Variants in NINL observed in about 807,000 individuals in gnomAD.
The protein encoded by NINL is ninein like, also known as ninein-like protein.
In NINL, 153 loss-of-function variants were observed where a neutral mutation model predicts 160.3. The ratio of observed to expected loss-of-function variants is 0.95; its 90% confidence interval spans 0.84 to 1.09. The LOEUF (loss-of-function observed/expected upper bound fraction) is 1.09. Ranked by LOEUF, NINL falls within the 50% of genes least tolerant of loss-of-function variation. The pLI is 0.00. For missense variants in NINL, 1,829 were observed against 1,764.0 expected (o/e 1.04, Z -0.66); for synonymous variants, 800 against 734.8 (o/e 1.09, Z -1.43).
intron 13 of NINL, among the ~76,000 whole-genome samples, chr20:25,484,054 T>G: frequency 6.6e-6 from 1 of 152,052 alleles, no homozygotes; most frequent in East Asian, 1.9e-4. Context: ...AAAGTAGCCC[T>G]GCAGAGGCCA....
rs1458838112 is a variant in NINL, at chr20:25,461,516, A to G, written c.3696+6T>C. 3.3e-6 allele frequency: 5 copies of G among 1,533,756 alleles called. No individual in the cohort carries two copies. In the South Asian group the frequency reaches 6.3e-5, roughly 19 times the overall value. ...CCCAGTGCCTCCAGCCATCGCTCAC[A>G]CCCACCTGGTCTTGACTTTCCTCAA... is the stretch of plus-strand genomic sequence containing the variant. On this transcript the variant is annotated splice_donor_region_variant and intron_variant, in intron 21 of 23. Coordinates refer to ENST00000278886, the MANE Select transcript of NINL (RefSeq NM_025176.6).
chr20:25,506,107 C>A (rs1394577431), intron 5 of NINL, among the ~76,000 whole-genome samples: 2 of 152,234 alleles, frequency 1.3e-5, no homozygotes, highest in Non-Finnish European at 2.9e-5. Context: ...ACTAAAAATA[C>A]AAAAATTAGC....
At chr20:25,545,299 G>C (rs909306786) in intron 1 of NINL, among the ~76,000 whole-genome samples, 3 of 152,162 alleles carry the variant, frequency 2.0e-5, no homozygotes, top group African/African-American at 4.8e-5. Context: ...GACATCTCCG[G>C]GTAGGTGGAG....
intron 1 of NINL, among the ~76,000 whole-genome samples, chr20:25,580,110 A>G (rs376348003): frequency 1.9e-4 from 29 of 152,308 alleles, no homozygotes; most frequent in African/African-American, 5.5e-4. Flanking sequence ...AGGCGGGTGG[A>G]TCACCTGAGG....
At chr20:25,456,548 A>C (rs188207870) in intron 22 of NINL, among the ~76,000 whole-genome samples, 53 of 146,790 alleles carry the variant, frequency 3.6e-4, no homozygotes, top group African/African-American at 1.3e-3. Flanking sequence ...ACTCCGTCTC[A>C]AAAAAAAAAC....
At chr20:25,576,632 AT>A (rs1555879313) in intron 1 of NINL, among the ~76,000 whole-genome samples, 5 of 150,076 alleles carry the variant, frequency 3.3e-5, no homozygotes, top group Admixed American at 6.7e-5. Flanking sequence ...CTAATTTTTC[AT>A]TTTTTTTTGG....
intron 1 of NINL, among the ~76,000 whole-genome samples, chr20:25,540,266 T>C (rs2064640321): frequency 6.6e-6 from 1 of 152,214 alleles, no homozygotes; most frequent in African/African-American, 2.4e-5. Flanking sequence ...TAAAGCTTAA[T>C]TTAAGATACA....
chr20:25,477,710 G>A (rs149413330), intron 16 of NINL, among the ~76,000 whole-genome samples: 54 of 152,318 alleles, frequency 3.5e-4, no homozygotes, highest in African/African-American at 1.2e-3. Flanking sequence ...CCTGCAGAGC[G>A]GGGACAGCAG....
intron 1 of NINL, among the ~76,000 whole-genome samples, chr20:25,571,622 C>T (rs1211382624): frequency 6.6e-6 from 1 of 152,114 alleles, no homozygotes; most frequent in Non-Finnish European, 1.5e-5. Context: ...AATCCCAGTA[C>T]TTTGGGAGGC....
rs2063855900 is a variant in NINL at position 25,500,951 on chromosome 20, G to A, written c.921C>T (p.Ser307=). 3 of 1,614,106 alleles carry A rather than the reference G, an allele frequency of 1.9e-6. No homozygotes were observed. The highest frequency in any genetic ancestry group is 2.5e-6 in the Non-Finnish European group (3 of 1,180,044). The change falls in exon 8 of 24, where the codon TCC becomes TCT. Residue 307 remains serine (S), a synonymous_variant. Coordinates refer to ENST00000278886, the MANE Select transcript of NINL (RefSeq NM_025176.6). ...TTTSSLVSLC[S]SLRLFSSIDD... ...CAATGCTGGAGAAGAGGCGCAGGCT[G>A]GAGCACAGGGACACGAGGGATGAGG...
At chr20:25,519,488 T>G (rs1219943698) in intron 2 of NINL, among the ~76,000 whole-genome samples, 1 of 152,228 alleles carries the variant, frequency 6.6e-6, no homozygotes, top group East Asian at 1.9e-4. Flanking sequence ...TGCCAAATAT[T>G]TTGTCTAACA....
rs139059391 is a variant in NINL, at chr20:25,500,826, AC to A, written c.1032+13del. ...AGGTCCCCTGTCCAGCTTAGGCATC[AC>A]CCAGTTCCAAACCTGCAAGATCTCC... On this transcript the variant is annotated intron_variant, in intron 8 of 23. Coordinates refer to ENST00000278886, the MANE Select transcript of NINL (RefSeq NM_025176.6). 2.6e-3 allele frequency: 4,196 copies of A among 1,611,206 alleles called. 57 individuals are homozygous for A. The African/African-American group carries it at 0.039, about 15-fold the overall frequency.
intron 2 of NINL, among the ~76,000 whole-genome samples, chr20:25,525,334 C>G (rs2064337987): frequency 6.6e-6 from 1 of 152,180 alleles, no homozygotes; most frequent in Non-Finnish European, 1.5e-5. Context: ...AATTTACTGG[C>G]TGGGTTTCTT....
At chr20:25,541,173 T>C (rs1471290937) in intron 1 of NINL, among the ~76,000 whole-genome samples, 1 of 152,238 alleles carries the variant, frequency 6.6e-6, no homozygotes, top group African/African-American at 2.4e-5. Flanking sequence ...ACAAAGTCTC[T>C]GGTTTTAATG....
intron 5 of NINL, chr20:25,509,685 C>T (rs1205072675): frequency 6.6e-6 from 3 of 456,760 alleles, no homozygotes; most frequent in South Asian, 1.5e-5. Context: ...TGTGGGGCCC[C>T]TTTCTTCACT....
In NINL at chr20:25,497,510, T is replaced by C. The variant is rs189126255; in HGVS notation, c.1169+700A>G. Among the ~76,000 whole-genome samples, 10 of 152,348 alleles carry C rather than the reference T, an allele frequency of 6.6e-5. 1 individual carries two copies. Among genetic ancestry groups the C allele is most frequent in the Non-Finnish European group, 1.2e-4 (8 of 68,032 alleles). On this transcript the variant is annotated intron_variant, in intron 9 of 23. Coordinates refer to ENST00000278886, the MANE Select transcript of NINL (RefSeq NM_025176.6). ...ACCTGGACAGATGCAGTCTTTAGGA[T>C]TGAGATTGTGGTTTCTGCCAATCTT...
chr20:25,545,306 G>A (rs940810435), intron 1 of NINL, among the ~76,000 whole-genome samples: 3 of 152,174 alleles, frequency 2.0e-5, no homozygotes, highest in Admixed American at 6.5e-5. Context: ...CCGGGTAGGT[G>A]GAGAAGGGAG....
At chr20:25,467,965 C>A (rs1460856353) in intron 18 of NINL, among the ~76,000 whole-genome samples, 3 of 152,120 alleles carry the variant, frequency 2.0e-5, no homozygotes, top group African/African-American at 7.2e-5. Flanking sequence ...CATGGAAGGG[C>A]AATCCCTGGG....
intron 8 of NINL, among the ~76,000 whole-genome samples, chr20:25,498,780 C>T (rs911972009): frequency 6.6e-6 from 1 of 152,182 alleles, no homozygotes; most frequent in Non-Finnish European, 1.5e-5. Context: ...CCAAGAAGAG[C>T]GTGGAGAGAT....
Sources: gnomAD v4.1 joint callset for allele counts (sites outside exome capture counted in the v4.1 genomes callset) on GRCh38, gnomAD v4.1.1 for gene constraint, MANE v1.5 for transcripts, NCBI Gene and HGNC (gene_info 2026-07-23, HGNC 2026-07-21) for gene names.